Variants in DRC3 observed in about 807,000 individuals in gnomAD.
DRC3 encodes the protein dynein regulatory complex subunit 3.
DRC3 carries 45 observed loss-of-function variants against 57.6 expected under a neutral mutation model. That is an observed-to-expected ratio of 0.78 (90% CI 0.62 to 1.00). The LOEUF is 1.00. Ranked by LOEUF, DRC3 falls within the 50% of genes least tolerant of loss-of-function variation. The pLI is 0.00. For synonymous variants in DRC3, 257 were observed against 272.3 expected (o/e 0.94, Z 0.55); for missense variants, 655 against 675.2 (o/e 0.97, Z 0.33).
intron 11 of DRC3, 36 bp from the exon 12 acceptor site, chr17:18,006,988 G>C: frequency 6.2e-7 from 1 of 1,610,868 alleles, no homozygotes; most frequent in African/African-American, 1.3e-5. Context: ...CGCCGGGCCT[G>C]CTCCTCCCGG....
chr17:17,977,770 A>G lies in DRC3; in HGVS notation c.160+12A>G. The stretch of plus-strand genomic sequence containing the variant: ...GCTGGACTTTCGGAGTATGTATCCA[A>G]GGTTCAGGGGTGGTGGCCAGGGTGG... On this transcript the variant is annotated intron_variant, in intron 3 of 13. Coordinates refer to ENST00000399187, the MANE Select transcript of DRC3 (RefSeq NM_031294.4). 1 of 1,587,556 alleles carries G rather than the reference A, an allele frequency of 6.3e-7. No individual in the cohort carries two copies.
rs756467064 is a variant in DRC3, at chr17:17,992,766, T to C, written c.446T>C (p.Ile149Thr). Reference protein sequence around the residue: ...GNNRIDNMMNIIYLRRFKCLR... With the variant: ...GNNRIDNMMNTIYLRRFKCLR... ...GCCTTTCTCCCTTTTTCTCCCCAGA[T>C]CATCTACCTCCGGCGGTTCAAGTGC... Residue 149 changes from isoleucine (I) to threonine (T), a missense_variant and splice_region_variant, in exon 6 of 14, where the codon ATC (isoleucine) becomes ACC (threonine). Ile to Thr is a moderately conservative substitution (Grantham distance 89, BLOSUM62 -1). Transcript: ENST00000399187. The C allele has an allele frequency of 6.2e-7, 1 of 1,613,228 alleles. No individual in the cohort carries two copies. The highest frequency in any genetic ancestry group is 1.1e-5 in the South Asian group (1 of 90,922).
At chr17:17,977,848 G>A (rs1194805685) in intron 3 of DRC3, 90 bp downstream of exon 3, 1 of 1,387,904 alleles carries the variant, frequency 7.2e-7, no homozygotes. Context: ...TCCATGCAAA[G>A]TCCACGGTCG....
At chr17:17,998,845 G>A (rs1031311258) in intron 9 of DRC3, among the ~76,000 whole-genome samples, 2 of 152,222 alleles carry the variant, frequency 1.3e-5, no homozygotes, top group Non-Finnish European at 2.9e-5. Context: ...TCACATATGT[G>A]TTTTATGTGG....
chr17:17,993,150 C>T (rs2043306705), intron 6 of DRC3: 2 of 473,424 alleles, frequency 4.2e-6, no homozygotes, highest in East Asian at 4.0e-5. Context: ...TGTCCCAGGG[C>T]CACCTCACAG....
At chr17:17,975,247 A>G (rs1014337273) in intron 2 of DRC3, among the ~76,000 whole-genome samples, 1 of 146,810 alleles carries the variant, frequency 6.8e-6, no homozygotes, top group African/African-American at 2.5e-5. Flanking sequence ...GTCTCGCTCT[A>G]TCACCAGGCT....
chr17:18,010,927 C>A, intron 12 of DRC3: 1 of 264,574 alleles, frequency 3.8e-6, no homozygotes. Flanking sequence ...GGGGGCCTCT[C>A]TCAAGGATGA....
intron 12 of DRC3, chr17:18,010,852 T>A: frequency 2.7e-6 from 1 of 364,278 alleles, no homozygotes; most frequent in Non-Finnish European, 5.4e-6. Flanking sequence ...GAAGATCAAG[T>A]CCCTGGAAGA....
chr17:17,977,853 C>T (rs189646942), intron 3 of DRC3, 95 bp downstream of exon 3: 42 of 1,340,298 alleles, frequency 3.1e-5, no homozygotes, highest in African/African-American at 2.9e-4. Flanking sequence ...GCAAAGTCCA[C>T]GGTCGAGGTT....
Position 18,016,205 on chromosome 17 carries a change from T to C in DRC3, c.1458+10T>C. ...ACGTTTAATAGACAGGGTGAGTCAATCCCAAGCCATCCTAGCAGGCTGGAT... is the reference window on the plus strand; with the variant it reads ...ACGTTTAATAGACAGGGTGAGTCAACCCCAAGCCATCCTAGCAGGCTGGAT... On this transcript the variant is annotated intron_variant, in intron 13 of 13. Transcript: ENST00000399187. 1 of 1,612,014 alleles carries C rather than the reference T, an allele frequency of 6.2e-7. No homozygotes were observed. The highest frequency in any genetic ancestry group is 8.5e-7 in the Non-Finnish European group (1 of 1,178,248).
intron 9 of DRC3, among the ~76,000 whole-genome samples, chr17:17,997,922 TATC>T (rs1310521808): frequency 6.6e-5 from 10 of 152,190 alleles, no homozygotes; most frequent in Admixed American, 3.9e-4. Flanking sequence ...CCCCCCAACT[TATC>T]ATCATCGTTA....
chr17:18,013,789 G>A (rs2044253660), intron 12 of DRC3, among the ~76,000 whole-genome samples: 1 of 152,166 alleles, frequency 6.6e-6, no homozygotes, highest in Non-Finnish European at 1.5e-5. Context: ...GGAGGATATT[G>A]AATGTTCTCA....
intron 12 of DRC3, chr17:18,010,964 T>TTGTTTGTA (rs2044148076): frequency 1.2e-5 from 3 of 245,598 alleles, no homozygotes; most frequent in Non-Finnish European, 2.4e-5. Context: ...GTTTGTTTGT[T>TTGTTTGTA]TGTTTGTTTT....
At chr17:18,009,295 G>A (rs1329285209) in intron 12 of DRC3, among the ~76,000 whole-genome samples, 3 of 152,198 alleles carry the variant, frequency 2.0e-5, no homozygotes, top group Non-Finnish European at 2.9e-5. Flanking sequence ...GGTGGTCCCA[G>A]CTACTTGGGA....
At chr17:17,999,527 G>A (rs965005341) in intron 9 of DRC3, among the ~76,000 whole-genome samples, 23 of 152,074 alleles carry the variant, frequency 1.5e-4, no homozygotes, top group African/African-American at 5.6e-4. Flanking sequence ...GTTTTCCTAC[G>A]CTCCTCCCAC....
In DRC3 at chr17:17,997,446, T is replaced by C; in HGVS notation, c.825-14T>C. 1 of 1,611,962 alleles carries C rather than the reference T, an allele frequency of 6.2e-7. No individual in the cohort carries two copies. Among genetic ancestry groups the C allele is most frequent in the South Asian group, 1.1e-5 (1 of 90,484 alleles). ...CTCCTGAAACAGCTGTGGGCTTCCT[T>C]AACAGCCACTCACCTACAAGGACAA... On this transcript the variant is annotated splice_polypyrimidine_tract_variant and intron_variant, in intron 8 of 13. Coordinates refer to ENST00000399187, the MANE Select transcript of DRC3 (RefSeq NM_031294.4).
intron 13 of DRC3, 104 bp downstream of exon 13, chr17:18,016,299 A>T (rs2044361357): frequency 8.0e-7 from 1 of 1,257,692 alleles, no homozygotes. Flanking sequence ...GAATGAAATG[A>T]AGGAAGAAAT....
chr17:18,002,654 G>C (rs1267153895), intron 9 of DRC3, among the ~76,000 whole-genome samples: 1 of 152,114 alleles, frequency 6.6e-6, no homozygotes. Context: ...AGGAGACTCC[G>C]GTAGCCGAGC....
intron 3 of DRC3, among the ~76,000 whole-genome samples, chr17:17,980,279 G>A (rs1356372024): frequency 6.9e-6 from 1 of 145,522 alleles, no homozygotes; most frequent in Non-Finnish European, 1.5e-5. Context: ...TTGTTTTATT[G>A]TTGTTGTTTT....
Sources: gnomAD v4.1 joint callset for allele counts (sites outside exome capture counted in the v4.1 genomes callset) on GRCh38, gnomAD v4.1.1 for gene constraint, MANE v1.5 for transcripts, NCBI Gene and HGNC (gene_info 2026-07-23, HGNC 2026-07-21) for gene names.